Variants in METTL15 observed in about 807,000 individuals in gnomAD.
The protein encoded by METTL15 is methyltransferase 15, mitochondrial 12S rRNA N4-cytidine, also known as 12S rRNA N(4)-cytidine methyltransferase METTL15.
Under a neutral mutation model 38.3 loss-of-function variants are expected in METTL15, and 34 were observed. The observed-to-expected ratio is 0.89, with a 90% CI of 0.68 to 1.18. METTL15 has a LOEUF of 1.18. METTL15 is among the 50% of genes most tolerant of loss of function. The probability of loss-of-function intolerance (pLI) is 0.00; values close to 1 mark genes in which losing one functional copy is unlikely to be tolerated. For synonymous variants in METTL15, 162 were observed against 170.9 expected (o/e 0.95, Z 0.41); for missense variants, 438 against 498.4 (o/e 0.88, Z 1.15).
intron 6 of METTL15, among the ~76,000 whole-genome samples, chr11:28,325,060 G>C (rs774109013): frequency 1.5e-4 from 23 of 152,074 alleles, no homozygotes; most frequent in African/African-American, 4.8e-4. Context: ...GCCAAGCTTT[G>C]TCCTGGCTCC....
chr11:28,419,452 C>T (rs1417581498), intron 5 of METTL15, among the ~76,000 whole-genome samples: 1 of 152,138 alleles, frequency 6.6e-6, no homozygotes, highest in African/African-American at 2.4e-5. Context: ...CATATGGTGC[C>T]CCCTAATACA....
chr11:28,109,493 T>A (rs191091867), intron 1 of METTL15, among the ~76,000 whole-genome samples: 103 of 152,342 alleles, frequency 6.8e-4, no homozygotes, highest in African/African-American at 2.3e-3. Context: ...TTTTCATTTT[T>A]CTGAGAGAAA....
chr11:28,330,300 C>T (rs1179058637), intron 6 of METTL15, 96 bp from the exon 7 acceptor site: 9 of 1,133,580 alleles, frequency 7.9e-6, no homozygotes, highest in African/African-American at 3.2e-5. Flanking sequence ...ACTTAGTTCA[C>T]TAAATATGCA....
At chr11:28,389,938 A>G (rs891163156) in intron 5 of METTL15, among the ~76,000 whole-genome samples, 11 of 152,118 alleles carry the variant, frequency 7.2e-5, no homozygotes, top group African/African-American at 1.9e-4. Context: ...CTGGTATGAG[A>G]TGGTATCTCA....
intron 3 of METTL15, among the ~76,000 whole-genome samples, chr11:28,122,610 CTATA>C (rs1296466351): frequency 3.3e-5 from 5 of 150,766 alleles, no homozygotes; most frequent in African/African-American, 9.7e-5. Flanking sequence ...ATATAAGTAA[CTATA>C]TAATTAGGTT....
intron 4 of METTL15, among the ~76,000 whole-genome samples, chr11:28,285,362 ATTT>A (rs34972962): frequency 6.9e-6 from 1 of 144,738 alleles, no homozygotes. Flanking sequence ...ACATCATGAG[ATTT>A]TTTTTTTTTT....
At chr11:28,217,857 T>C (rs1342846726) in intron 4 of METTL15, among the ~76,000 whole-genome samples, 1 of 152,200 alleles carries the variant, frequency 6.6e-6, no homozygotes, top group Non-Finnish European at 1.5e-5. Flanking sequence ...TTGTCAAAGA[T>C]CAGATAGTTG....
intron 5 of METTL15, among the ~76,000 whole-genome samples, chr11:28,370,469 A>C (rs1053955433): frequency 2.0e-5 from 3 of 151,756 alleles, no homozygotes; most frequent in Admixed American, 1.3e-4. Context: ...ATGGACTCTT[A>C]TTTTTATTCT....
intron 3 of METTL15, among the ~76,000 whole-genome samples, chr11:28,138,878 G>A (rs1478676294): frequency 1.3e-5 from 2 of 152,094 alleles, no homozygotes; most frequent in Non-Finnish European, 2.9e-5. Flanking sequence ...TCTATCCTAA[G>A]GTATTCCTCC....
At chr11:28,388,970 T>C (rs527974158) in intron 5 of METTL15, among the ~76,000 whole-genome samples, 117 of 152,130 alleles carry the variant, frequency 7.7e-4, no homozygotes, top group African/African-American at 2.7e-3. Context: ...CTGAGAATGA[T>C]GGTTTCCAGC....
At chr11:28,317,361 A>G (rs998580522) in intron 6 of METTL15, among the ~76,000 whole-genome samples, 1 of 152,126 alleles carries the variant, frequency 6.6e-6, no homozygotes, top group Non-Finnish European at 1.5e-5. Flanking sequence ...ATTTAACACT[A>G]TATTAAAGGA....
chr11:28,219,265 A>G (rs867346944), intron 4 of METTL15, among the ~76,000 whole-genome samples: 6 of 152,078 alleles, frequency 3.9e-5, no homozygotes, highest in Admixed American at 6.6e-5. Flanking sequence ...CAGAGATTCA[A>G]CTTCTTCCTG....
intron 4 of METTL15, chr11:28,287,507 T>C: frequency 2.8e-6 from 1 of 358,728 alleles, no homozygotes; most frequent in South Asian, 2.4e-5. Context: ...TGCTGCATCA[T>C]CACATTGAGA....
At chr11:28,501,532 C>T (rs1350660015) in intron 6 of METTL15, among the ~76,000 whole-genome samples, 1 of 152,154 alleles carries the variant, frequency 6.6e-6, no homozygotes, top group Non-Finnish European at 1.5e-5. Flanking sequence ...AAAAGTGGTT[C>T]TGTAGTTGAT....
intron 6 of METTL15, among the ~76,000 whole-genome samples, chr11:28,431,251 G>T (rs924130021): frequency 1.9e-4 from 27 of 144,442 alleles, no homozygotes; most frequent in African/African-American, 6.4e-4. Flanking sequence ...GAGCCCCTCT[G>T]CCCAGCCACC....
intron 5 of METTL15, among the ~76,000 whole-genome samples, chr11:28,374,929 G>C (rs1332744247): frequency 6.6e-6 from 1 of 151,546 alleles, no homozygotes; most frequent in African/African-American, 2.4e-5. Flanking sequence ...ATAATCATGT[G>C]GTTTTTGTCA....
intron 6 of METTL15, among the ~76,000 whole-genome samples, chr11:28,500,221 A>G (rs959003487): frequency 6.6e-6 from 1 of 152,112 alleles, no homozygotes; most frequent in African/African-American, 2.4e-5. Flanking sequence ...TCCTCTTACT[A>G]CTATGCTGCA....
At position 28,494,287 on chromosome 11, in the gene METTL15, T is replaced by C. The variant is rs573646532; in HGVS notation, c.*425-32191T>C. ...CCCACTTTAATTATCTACTGTCATT[T>C]GTATTACCTCTTGAGCTGTTAAAGG... On this transcript the variant is annotated intron_variant and NMD_transcript_variant, in intron 6 of 7. Coordinates refer to the METTL15 transcript ENST00000532947. Among the ~76,000 whole-genome samples, 11 of 152,298 alleles carry C rather than the reference T, an allele frequency of 7.2e-5. No homozygotes were observed. In the South Asian group the frequency reaches 2.3e-3, roughly 32 times the overall value.
At chr11:28,152,447 C>G (rs1264856215) in intron 3 of METTL15, among the ~76,000 whole-genome samples, 1 of 151,658 alleles carries the variant, frequency 6.6e-6, no homozygotes, top group African/African-American at 2.4e-5. Flanking sequence ...TAGTGATAGC[C>G]ATATGATGGT....
Sources: allele counts gnomAD v4.1 joint callset (sites outside exome capture counted in the v4.1 genomes callset), GRCh38; gene constraint gnomAD v4.1.1; transcripts MANE v1.5; gene names NCBI Gene and HGNC (gene_info 2026-07-23, HGNC 2026-07-21).